KIDINS220: variants seen among roughly 807,000 people sequenced by gnomAD.
The protein encoded by KIDINS220 is kinase D interacting substrate 220.
A neutral mutation model predicts 157.6 loss-of-function variants in KIDINS220; 63 were observed. The observed-to-expected ratio is 0.40, with a 90% CI of 0.33 to 0.49. KIDINS220 has a LOEUF of 0.49. Ranked by LOEUF, KIDINS220 falls within the 20% of genes least tolerant of loss-of-function variation. The probability of loss-of-function intolerance (pLI) is 0.66; values close to 1 mark genes in which losing one functional copy is unlikely to be tolerated. For synonymous variants in KIDINS220, 732 were observed against 783.6 expected (o/e 0.93, Z 1.10); for missense variants, 1,772 against 2,171.2 (o/e 0.82, Z 3.65).
rs758452117 is a variant in KIDINS220 at position 8,731,167 on chromosome 2, G to A, written c.4869C>T (p.Ser1623=). ...GGCTATGTGGGATTCCCCGCTTTCC[G>A]CTGTGACTGTCATCTTCCAGCTCTA... is the stretch of plus-strand genomic sequence containing the variant. ...NLIELEDDSH[S]GKRGIPHSLS... Residue 1623 remains serine, a synonymous_variant, in exon 30 of 30, where the codon AGC becomes AGT. Transcript: ENST00000256707. The surrounding 1 kb of genome is among the most constrained non-coding windows in gnomAD (Gnocchi z 5.2). The A allele has an allele frequency of 1.7e-5, 27 of 1,614,032 alleles. No individual in the cohort carries two copies. Among genetic ancestry groups the A allele is most frequent in the Admixed American group, 6.7e-5 (4 of 60,006 alleles).
intron 17 of KIDINS220, among the ~76,000 whole-genome samples, chr2:8,781,357 A>G (rs1558408454): frequency 1.3e-5 from 2 of 151,978 alleles, no homozygotes; most frequent in Non-Finnish European, 2.9e-5. Context: ...CAGATGCAGC[A>G]GTCAGAAAAC....
At chr2:8,825,607 T>A (rs1262707297) in intron 2 of KIDINS220, 1 of 151,852 alleles carries the variant, frequency 6.6e-6, no homozygotes, top group African/African-American at 2.4e-5. Flanking sequence ...ACACATATAG[T>A]GTAAAATAAA....
chr2:8,827,900 G>A (rs559547817), intron 1 of KIDINS220, among the ~76,000 whole-genome samples: 106 of 152,162 alleles, frequency 7.0e-4, no homozygotes, highest in African/African-American at 1.9e-3. Flanking sequence ...GGGCCCCACC[G>A]TCAGAGATTC....
chr2:8,760,897 C>T (rs1668665398), intron 22 of KIDINS220, among the ~76,000 whole-genome samples: 1 of 152,094 alleles, frequency 6.6e-6, no homozygotes, highest in Non-Finnish European at 1.5e-5. Context: ...TACAACCATG[C>T]AAGTAATCAG....
At chr2:8,744,386 AAAATATATATATATAATATATATATATAT>A (rs1558328150) in intron 26 of KIDINS220, among the ~76,000 whole-genome samples, 4 of 26,864 alleles carry the variant, frequency 1.5e-4, no homozygotes, top group South Asian at 2.2e-3. Context: ...AAAAAAAAAA[AAAATATATATATATAATATATATATATAT>A]ATATATATAT....
intron 22 of KIDINS220, among the ~76,000 whole-genome samples, chr2:8,768,262 T>C (rs936196545): frequency 6.6e-6 from 1 of 150,894 alleles, no homozygotes; most frequent in Non-Finnish European, 1.5e-5. Context: ...AAAAAAAAAC[T>C]CTCAAATGAT....
intron 13 of KIDINS220, among the ~76,000 whole-genome samples, chr2:8,790,355 T>C (rs1311215300): frequency 6.6e-6 from 1 of 152,226 alleles, no homozygotes; most frequent in Non-Finnish European, 1.5e-5. Context: ...AGATTTGTTT[T>C]TTGTGGTTTG....
chr2:8,742,343 C>T (rs1285775477), intron 26 of KIDINS220, among the ~76,000 whole-genome samples: 2 of 151,932 alleles, frequency 1.3e-5, no homozygotes, highest in African/African-American at 4.8e-5. Context: ...TCAAGTCATC[C>T]TCCTGCCTCA....
Position 8,747,992 on chromosome 2 carries a change from A to G in KIDINS220, c.3423T>C (p.Phe1141=). ...PQHPFYNRPF[F]APYLYTPRYY... is the part of the protein sequence containing the mutation. ...ACCTTGGCGTGTAAAGGTATGGGGCAAAGAATGGCTATGGAAAAACATGTA... is the reference window on the plus strand; with the variant it reads ...ACCTTGGCGTGTAAAGGTATGGGGCGAAGAATGGCTATGGAAAAACATGTA... The change falls in exon 25 of 30, where the codon TTT becomes TTC. Residue 1141 remains phenylalanine, a synonymous_variant. Transcript: ENST00000256707. 6.4e-7 allele frequency: 1 copy of G among 1,554,678 alleles called. No individual in the cohort carries two copies. The highest frequency in any genetic ancestry group is 8.7e-7 in the Non-Finnish European group (1 of 1,152,700).
Position 8,827,049 on chromosome 2 carries a change from T to G in KIDINS220, c.45A>C (p.Glu15Asp). The change falls in exon 2 of 30, where the codon GAA (glutamate) becomes GAC (aspartate). Residue 15 changes from glutamate (E) to aspartate (D), a missense_variant. By Grantham distance (45) the Glu-to-Asp change is conservative (BLOSUM62 2). This residue lies in a region of KIDINS220 where 254 missense variants were observed against 268.6 expected (regional missense o/e 0.95). Coordinates refer to ENST00000256707, the MANE Select transcript of KIDINS220 (RefSeq NM_020738.4). Reference protein sequence around the residue: ...ISQSVINYVEEENIPALKALL... With the variant: ...ISQSVINYVEDENIPALKALL... ...GAGCTTTCAGAGCAGGAATGTTTTC[T>G]TCCTCTACATAATTTATGACGCTCT... The G allele has an allele frequency of 6.2e-7, 1 of 1,610,380 alleles. No homozygotes were observed. The highest frequency in any genetic ancestry group is 1.3e-5 in the African/African-American group (1 of 75,014).
At chr2:8,734,565 ATTGATACTGG>A (rs1445507833) in intron 28 of KIDINS220, 80 bp downstream of exon 28, 104 of 926,624 alleles carry the variant, frequency 1.1e-4, no homozygotes, top group Non-Finnish European at 1.6e-4. Flanking sequence ...GCCAGTACTT[ATTGATACTGG>A]TTTTCTACAA....
chr2:8,809,384 T>C (rs1675971362), intron 6 of KIDINS220, among the ~76,000 whole-genome samples: 4 of 152,166 alleles, frequency 2.6e-5, no homozygotes. Context: ...TCTTGAACTA[T>C]ATTGACTGTC....
chr2:8,726,964 A>G, downstream of KIDINS220: 2 of 1,272,360 alleles, frequency 1.6e-6, no homozygotes, highest in Non-Finnish European at 2.1e-6. Flanking sequence ...AAGGGTTTAA[A>G]ATTATGTAAG....
In KIDINS220 at chr2:8,817,720, G is replaced by A; in HGVS notation, c.208-4C>T. 1.9e-6 allele frequency: 3 copies of A among 1,572,232 alleles called. No homozygotes were observed. The highest frequency in any genetic ancestry group is 2.6e-6 in the Non-Finnish European group (3 of 1,155,562). The stretch of plus-strand genomic sequence containing the variant: ...ATATAAGTGCTGTCCAATTATCCTT[G>A]AACATATATTTTAAAAGTTATCATT... On this transcript the variant is annotated splice_polypyrimidine_tract_variant and splice_region_variant and intron_variant, in intron 3 of 29. Coordinates refer to ENST00000256707, the MANE Select transcript of KIDINS220 (RefSeq NM_020738.4).
intron 22 of KIDINS220, among the ~76,000 whole-genome samples, chr2:8,753,716 TA>T (rs1667653388): frequency 6.6e-6 from 1 of 152,220 alleles, no homozygotes; most frequent in Admixed American, 6.5e-5. Flanking sequence ...CTAATGTTAG[TA>T]ACAGTTATAT....
chr2:8,806,018 T>C (rs571458637), intron 7 of KIDINS220, among the ~76,000 whole-genome samples: 51 of 152,216 alleles, frequency 3.4e-4, no homozygotes, highest in Non-Finnish European at 6.5e-4. Flanking sequence ...CTAGGATCAC[T>C]GAAAGCTATT....
intron 1 of KIDINS220, among the ~76,000 whole-genome samples, chr2:8,835,554 CTAAG>C (rs1353149637): frequency 4.6e-5 from 7 of 151,432 alleles, no homozygotes; most frequent in Non-Finnish European, 7.4e-5. Flanking sequence ...GAGACTCCTC[CTAAG>C]TAAGAGAACA....
intron 13 of KIDINS220, 108 bp from the exon 14 acceptor site, chr2:8,790,167 TTAG>T (rs1171464724): frequency 1.3e-5 from 13 of 987,570 alleles, no homozygotes; most frequent in African/African-American, 3.3e-5. Context: ...TATTGGACAC[TTAG>T]TAGGTCCCTA....
At chr2:8,773,674 G>A (rs540236593) in intron 21 of KIDINS220, among the ~76,000 whole-genome samples, 20 of 152,048 alleles carry the variant, frequency 1.3e-4, no homozygotes, top group Non-Finnish European at 2.4e-4. Context: ...GTTTCATCAT[G>A]TTGGCCAGGC....
Sources: allele counts gnomAD v4.1 joint callset (sites outside exome capture counted in the v4.1 genomes callset), GRCh38; gene constraint gnomAD v4.1.1; regional missense constraint gnomAD v4.1.1; non-coding constraint Gnocchi (gnomAD v3.1); transcripts MANE v1.5; gene names NCBI Gene and HGNC (gene_info 2026-07-23, HGNC 2026-07-21).